Variants in SLC4A10 observed in about 807,000 individuals in gnomAD.
SLC4A10 encodes the protein sodium-driven chloride bicarbonate exchanger.
Under a neutral mutation model 137.7 loss-of-function variants are expected in SLC4A10, and 42 were observed. That is an observed-to-expected ratio of 0.30 (90% CI 0.24 to 0.39). SLC4A10 has a LOEUF of 0.39. Ranked by LOEUF, SLC4A10 falls within the 10% of genes least tolerant of loss-of-function variation. SLC4A10 has a pLI of 1.00. For missense variants in SLC4A10, 925 were observed against 1,355.0 expected, an observed-to-expected ratio of 0.68 and a Z score of 4.98; for synonymous variants, 474 against 464.1, an observed-to-expected ratio of 1.02 and a Z score of -0.27.
At chr2:161,743,649 AT>A (rs919887235) in intron 1 of SLC4A10, among the ~76,000 whole-genome samples, 21 of 150,140 alleles carry the variant, frequency 1.4e-4, no homozygotes, top group Admixed American at 7.3e-4. Context: ...ACATTTTTGG[AT>A]TTTTTTTTCT....
At chr2:161,939,032 A>G (rs1044918262) in intron 15 of SLC4A10, among the ~76,000 whole-genome samples, 2 of 152,110 alleles carry the variant, frequency 1.3e-5, no homozygotes, top group Non-Finnish European at 2.9e-5. Flanking sequence ...GTTAAGTGTG[A>G]CAAATTTACT....
chr2:161,693,598 A>T (rs1260691239), intron 1 of SLC4A10, among the ~76,000 whole-genome samples: 3 of 151,414 alleles, frequency 2.0e-5, no homozygotes, highest in Non-Finnish European at 4.4e-5. Context: ...CATTTGACCA[A>T]CATCTCCTCA....
At chr2:161,944,439 G>A (rs1405229620) in intron 16 of SLC4A10, among the ~76,000 whole-genome samples, 1 of 151,646 alleles carries the variant, frequency 6.6e-6, no homozygotes, top group Non-Finnish European at 1.5e-5. Context: ...CTATGTATTA[G>A]CAAATCTTGA....
chr2:161,649,371 G>A (rs1341060328), intron 1 of SLC4A10, among the ~76,000 whole-genome samples: 1 of 152,104 alleles, frequency 6.6e-6, no homozygotes. Context: ...GAAAAAAATT[G>A]CTTTTGCCAA....
At chr2:161,852,178 T>C (rs373323134) in intron 4 of SLC4A10, among the ~76,000 whole-genome samples, 11 of 152,192 alleles carry the variant, frequency 7.2e-5, no homozygotes, top group Non-Finnish European at 1.5e-4. Context: ...GAAACCTTAA[T>C]TGAGGACATT....
chr2:161,816,019 A>G (rs978812188), intron 3 of SLC4A10, among the ~76,000 whole-genome samples: 5 of 152,138 alleles, frequency 3.3e-5, no homozygotes, highest in African/African-American at 1.2e-4. Context: ...CAGTTTCTCT[A>G]GTACTAATCT....
rs1365503769 is a variant in SLC4A10, at chr2:161,770,629, CT to C, written c.49-342del. ...TTCCTTGCATAGTTCAAAATGTCAT[CT>C]TGTTAACAAGAATTCTTTATCAAGG... On this transcript the variant is annotated intron_variant, in intron 1 of 26. Coordinates refer to ENST00000446997, the MANE Select transcript of SLC4A10 (RefSeq NM_001178015.2). Among the ~76,000 whole-genome samples, 11 of 151,996 alleles carry C rather than the reference CT, an allele frequency of 7.2e-5. No individual in the cohort carries two copies. In the South Asian group the frequency reaches 1.7e-3, roughly 23 times the overall value.
At chr2:161,972,087 T>G (rs1698633872) in intron 23 of SLC4A10, among the ~76,000 whole-genome samples, 1 of 152,220 alleles carries the variant, frequency 6.6e-6, no homozygotes, top group African/African-American at 2.4e-5. Flanking sequence ...CATTTTACTC[T>G]TTCTTAAACC....
intron 3 of SLC4A10, among the ~76,000 whole-genome samples, chr2:161,831,643 A>G (rs1320265914): frequency 1.3e-5 from 2 of 152,190 alleles, no homozygotes; most frequent in Non-Finnish European, 1.5e-5. Flanking sequence ...ATTTCTAGGT[A>G]AAAATCATAT....
intron 4 of SLC4A10, among the ~76,000 whole-genome samples, chr2:161,849,635 CT>C (rs1055611329): frequency 2.6e-5 from 4 of 152,078 alleles, no homozygotes; most frequent in African/African-American, 9.7e-5. Flanking sequence ...TATCAAAAGC[CT>C]TTTCTGCATC....
intron 15 of SLC4A10, among the ~76,000 whole-genome samples, chr2:161,937,556 T>C (rs534769947): frequency 9.8e-5 from 15 of 152,342 alleles, no homozygotes; most frequent in African/African-American, 3.4e-4. Flanking sequence ...TATTTGTTTA[T>C]CTTTTTAGTA....
intron 1 of SLC4A10, among the ~76,000 whole-genome samples, chr2:161,764,798 A>G (rs376102590): frequency 1.3e-5 from 2 of 152,136 alleles, no homozygotes; most frequent in African/African-American, 4.8e-5. Context: ...AAGTTGAGCT[A>G]GAAACCTTTT....
chr2:161,670,190 C>T (rs188824882), intron 1 of SLC4A10, among the ~76,000 whole-genome samples: 29 of 152,022 alleles, frequency 1.9e-4, no homozygotes, highest in East Asian at 1.9e-4. Flanking sequence ...TCCCAGTATC[C>T]GATTTGCTGA....
intron 1 of SLC4A10, among the ~76,000 whole-genome samples, chr2:161,700,527 A>G (rs2043016482): frequency 6.6e-6 from 1 of 152,122 alleles, no homozygotes; most frequent in Non-Finnish European, 1.5e-5. Context: ...TCTTCCCTTA[A>G]TAGTGAAGAT....
In SLC4A10 at chr2:161,958,504, G is replaced by C; in HGVS notation, c.2811G>C (p.Val937=). The C allele has an allele frequency of 6.2e-7, 1 of 1,611,176 alleles. No homozygotes were observed. ...TTTTACAGTTTATTCCCATGCCAGT[G>C]CTATATGGAGTGTTTCTTTATATGG... ...TSILKFIPMP[V]LYGVFLYMGA... is the part of the protein sequence containing the mutation. Residue 937 remains valine, a synonymous_variant, in exon 21 of 27, where the codon GTG becomes GTC. Coordinates refer to ENST00000446997, the MANE Select transcript of SLC4A10 (RefSeq NM_001178015.2).
At chr2:161,820,124 C>T (rs1233061793) in intron 3 of SLC4A10, among the ~76,000 whole-genome samples, 2 of 152,100 alleles carry the variant, frequency 1.3e-5, no homozygotes. Flanking sequence ...AATAAATTAA[C>T]ACAGTCCTGG....
intron 1 of SLC4A10, among the ~76,000 whole-genome samples, chr2:161,769,746 C>A (rs186793119): frequency 9.9e-5 from 15 of 151,938 alleles, no homozygotes; most frequent in South Asian, 2.1e-4. Flanking sequence ...TATAAGAATT[C>A]TCCAAGATTG....
chr2:161,770,988 G>A lies in SLC4A10; in HGVS notation c.64G>A (p.Ala22Thr). ...PLLPTRNDEE[A>T]VVDRGGTRSI... ...CATTTAACAGAGAAATGATGAAGAA[G>A]CAGTTGTGGATAGAGGTGGAACTCG... Residue 22 changes from alanine to threonine, a missense_variant, in exon 2 of 27, where the codon GCA (alanine) becomes ACA (threonine). Physicochemically the swap from Ala to Thr is moderately conservative, Grantham distance 58. Transcript: ENST00000446997. The A allele has an allele frequency of 2.5e-6, 4 of 1,605,438 alleles. No homozygotes were observed. The highest frequency in any genetic ancestry group is 3.4e-6 in the Non-Finnish European group (4 of 1,175,130).
intron 10 of SLC4A10, among the ~76,000 whole-genome samples, chr2:161,885,047 A>G (rs1362183221): frequency 2.6e-5 from 4 of 152,042 alleles, no homozygotes; most frequent in Admixed American, 2.6e-4. Context: ...GTGTGGTGGC[A>G]GGTGCCTGTG....
Sources: gnomAD v4.1 joint callset for allele counts (sites outside exome capture counted in the v4.1 genomes callset) on GRCh38, gnomAD v4.1.1 for gene constraint, MANE v1.5 for transcripts, NCBI Gene and HGNC (gene_info 2026-07-23, HGNC 2026-07-21) for gene names.